The following ZNF770 variants were observed in gnomAD, a reference collection of about 807,000 sequenced individuals.
ZNF770 encodes zinc finger protein 770.
In ZNF770, 13 loss-of-function variants were observed where a neutral mutation model predicts 44.8. The observed-to-expected ratio is 0.29, with a 90% CI of 0.19 to 0.46. The LOEUF (loss-of-function observed/expected upper bound fraction) is 0.46, where lower values mean the gene tolerates loss of function less well. Ranked by LOEUF, ZNF770 falls within the 20% of genes least tolerant of loss-of-function variation. ZNF770 has a pLI of 1.00. For synonymous variants in ZNF770, 304 were observed against 271.8 expected (o/e 1.12, Z -1.17); for missense variants, 681 against 797.9 (o/e 0.85, Z 1.77).
Position 34,981,085 on chromosome 15 carries a change from T to C in ZNF770, c.*274A>G. 2.7e-6 allele frequency: 1 copy of C among 365,488 alleles called. No homozygotes were observed. Among genetic ancestry groups the C allele is most frequent in the South Asian group, 4.7e-5 (1 of 21,062 alleles). The allele number at this position is 365,488 out of a possible 1,614,324, so 22.6% of individuals were successfully genotyped here. A position where few individuals can be genotyped will look rare whatever the true frequency, so the allele number is the denominator to read the frequency against. ...AATTATTTGTACAGCCATCATGGATTTATATTTTTCAATACAGCCAAAGTA... is the reference window on the plus strand; with the variant it reads ...AATTATTTGTACAGCCATCATGGATCTATATTTTTCAATACAGCCAAAGTA... On this transcript the variant is annotated 3_prime_UTR_variant, in exon 3 of 3. Transcript: ENST00000356321.
chr15:34,985,666 A>C (rs2050429709), intron 2 of ZNF770, among the ~76,000 whole-genome samples: 1 of 152,156 alleles, frequency 6.6e-6, no homozygotes, highest in Non-Finnish European at 1.5e-5. Flanking sequence ...AGGCCGAGGC[A>C]GGGGATCACC....
Position 34,982,112 on chromosome 15 carries a change from T to G in ZNF770, c.1323A>C (p.Ser441=). ...IDNSVNKKDL[S]ICGSSGEEFF... is the part of the protein sequence containing the mutation. Reference sequence around the variant, plus strand: ...ATTCCTCACCTGATGAACCACAGATTGACAAGTCTTTCTTATTCACTGAAT... The same window carrying G: ...ATTCCTCACCTGATGAACCACAGATGGACAAGTCTTTCTTATTCACTGAAT... Residue 441 remains serine (S), a synonymous_variant, in exon 3 of 3, where the codon TCA becomes TCC. Coordinates refer to ENST00000356321, the MANE Select transcript of ZNF770 (RefSeq NM_014106.4). 1 of 1,614,038 alleles carries G rather than the reference T, an allele frequency of 6.2e-7. No homozygotes were observed. The highest frequency in any genetic ancestry group is 1.1e-5 in the South Asian group (1 of 91,086).
intron 1 of ZNF770, among the ~76,000 whole-genome samples, 170 bp from the exon 2 acceptor site, chr15:34,987,843 CAAT>C (rs970330665): frequency 6.6e-6 from 1 of 152,134 alleles, no homozygotes. Context: ...GGCCCACAAC[CAAT>C]AATAAGCACG....
Position 34,979,755 on chromosome 15 carries a change from A to C in ZNF770, c.*1604T>G, listed in dbSNP as rs2050388755. 2.3e-6 allele frequency: 1 copy of C among 425,826 alleles called. No individual in the cohort carries two copies. The allele number at this position is 425,826 out of a possible 1,614,324, so 26.4% of individuals were successfully genotyped here. A position where few individuals can be genotyped will look rare whatever the true frequency, so the allele number is the denominator to read the frequency against. On this transcript the variant is annotated 3_prime_UTR_variant, in exon 3 of 3. Coordinates refer to ENST00000356321, the MANE Select transcript of ZNF770 (RefSeq NM_014106.4). The stretch of plus-strand genomic sequence containing the variant: ...CATTCTCAATAGAGGATTTTCCACT[A>C]TATTTAAGTATGGCAGGATAATTAC...
At chr15:34,983,849 TAA>T (rs762628392) in intron 2 of ZNF770, among the ~76,000 whole-genome samples, 1 of 152,222 alleles carries the variant, frequency 6.6e-6, no homozygotes, top group Non-Finnish European at 1.5e-5. Flanking sequence ...GCCATCATTT[TAA>T]AAAATGGGCT....
In ZNF770 at chr15:34,979,116, T is replaced by C. The variant is rs1306574892; in HGVS notation, c.*2243A>G. On this transcript the variant is annotated 3_prime_UTR_variant, in exon 3 of 3. Coordinates refer to ENST00000356321, the MANE Select transcript of ZNF770 (RefSeq NM_014106.4). Reference sequence around the variant, plus strand: ...TTTTACAATATTCCACCTTTCAATATGAAACAGCTTAAAAAGGCATGGGTC... The same window carrying C: ...TTTTACAATATTCCACCTTTCAATACGAAACAGCTTAAAAAGGCATGGGTC... The C allele has an allele frequency of 2.6e-5, 4 of 152,608 alleles. No homozygotes were observed. Among genetic ancestry groups the C allele is most frequent in the Non-Finnish European group, 4.4e-5 (3 of 68,056 alleles). The allele number at this position is 152,608 out of a possible 1,614,324, so 9.5% of individuals were successfully genotyped here. A position where few individuals can be genotyped will look rare whatever the true frequency, so the allele number is the denominator to read the frequency against.
In ZNF770 at chr15:34,981,917, A is replaced by G. The variant is rs763659550; in HGVS notation, c.1518T>C (p.Asn506=). The G allele has an allele frequency of 9.9e-6, 16 of 1,613,984 alleles. No homozygotes were observed. Among genetic ancestry groups the G allele is most frequent in the South Asian group, 3.3e-5 (3 of 91,084 alleles). The change falls in exon 3 of 3, where the codon AAT becomes AAC. Residue 506 remains asparagine, a synonymous_variant. Transcript: ENST00000356321. ...ACTGTCTAAAAGATTTCCCACAAAT[A>G]TTACAGCCAAAGGGCCTCTGTCCAG... The part of the protein sequence containing the change: ...IHTGQRPFGC[N]ICGKSFRQSA...
chr15:34,982,712 A>G lies in ZNF770; in HGVS notation c.723T>C (p.Asn241=). Residue 241 remains asparagine, a synonymous_variant, in exon 3 of 3, where the codon AAT becomes AAC. Transcript: ENST00000356321. ...LLKHKQIHTR[N]KAFRALLLKK... ...TTAATAAAAGAGCCCGAAAAGCCTT[A>G]TTCCTAGTATGGATTTGTTTATGCT... is the stretch of plus-strand genomic sequence containing the variant. 6.2e-7 allele frequency: 1 copy of G among 1,613,310 alleles called. No individual in the cohort carries two copies. The highest frequency in any genetic ancestry group is 8.5e-7 in the Non-Finnish European group (1 of 1,179,914).
intron 2 of ZNF770, among the ~76,000 whole-genome samples, chr15:34,986,645 A>G (rs1376456529): frequency 1.3e-5 from 2 of 152,212 alleles, no homozygotes; most frequent in East Asian, 1.9e-4. Flanking sequence ...ATACAAGGAC[A>G]CTGGGTGAGG....
At position 34,980,316 on chromosome 15, in the gene ZNF770, A is replaced by C. The variant is rs1206245370; in HGVS notation, c.*1043T>G. 1 of 152,246 alleles carries C rather than the reference A, an allele frequency of 6.6e-6. No individual in the cohort carries two copies. Among genetic ancestry groups the C allele is most frequent in the Non-Finnish European group, 1.5e-5 (1 of 68,046 alleles). The allele number at this position is 152,246 out of a possible 1,614,324, so 9.4% of individuals were successfully genotyped here. Reference sequence around the variant, plus strand: ...AAAACTCATACGTATTATGAAAAAGACTATGGCACTTAGAAAATATTCCTG... The same window carrying C: ...AAAACTCATACGTATTATGAAAAAGCCTATGGCACTTAGAAAATATTCCTG... On this transcript the variant is annotated 3_prime_UTR_variant, in exon 3 of 3. Coordinates refer to ENST00000356321, the MANE Select transcript of ZNF770 (RefSeq NM_014106.4).
intron 2 of ZNF770, among the ~76,000 whole-genome samples, chr15:34,985,764 C>T (rs2050430387): frequency 6.6e-6 from 1 of 151,946 alleles, no homozygotes; most frequent in Admixed American, 6.6e-5. Context: ...TGTGGTGGTA[C>T]ATGCCTGTAA....
chr15:34,979,535 C>T lies in ZNF770; in HGVS notation c.*1824G>A, dbSNP rs1004512149. On this transcript the variant is annotated 3_prime_UTR_variant, in exon 3 of 3. Transcript: ENST00000356321. ...TGTCTGTATCTACATAATAAACAGG[C>T]ACACTTCTACATCACTGGGTATTTT... is the stretch of plus-strand genomic sequence containing the variant. 5.4e-5 allele frequency: 20 copies of T among 373,610 alleles called. No individual in the cohort carries two copies. Among genetic ancestry groups the T allele is most frequent in the African/African-American group, 4.1e-4 (19 of 46,622 alleles). The allele number at this position is 373,610 out of a possible 1,614,324, so 23.1% of individuals were successfully genotyped here.
chr15:34,986,939 C>T (rs2050438629), intron 2 of ZNF770, among the ~76,000 whole-genome samples: 1 of 152,252 alleles, frequency 6.6e-6, no homozygotes, highest in South Asian at 2.1e-4. Context: ...CTGCAATGCA[C>T]CGGCCCATAT....
In ZNF770 at chr15:34,982,054, A is replaced by T; in HGVS notation, c.1381T>A (p.Phe461Ile). The T allele has an allele frequency of 6.2e-7, 1 of 1,613,686 alleles. No individual in the cohort carries two copies. The highest frequency in any genetic ancestry group is 1.1e-5 in the South Asian group (1 of 91,062). Residue 461 changes from phenylalanine (F) to isoleucine (I), a missense_variant, in exon 3 of 3, where the codon TTT (phenylalanine) becomes ATT (isoleucine). By Grantham distance (21) the Phe-to-Ile change is conservative. Around this residue, in one of 5 missense-constraint regions of ZNF770, gnomAD observed 432 missense variants for 434.1 expected, o/e 1.00. Transcript: ENST00000356321. ...CGTATGTTTTCCCTTGGAACTGAAAAACCACACTGAAGTACCTCACAGTTA... is the reference window on the plus strand; with the variant it reads ...CGTATGTTTTCCCTTGGAACTGAAATACCACACTGAAGTACCTCACAGTTA... ...FNNCEVLQCG[F>I]SVPRENIRTR...
rs759332976 is a variant in ZNF770, at chr15:34,982,305, C to A, written c.1130G>T (p.Ser377Ile). 21 of 1,612,370 alleles carry A rather than the reference C, an allele frequency of 1.3e-5. No homozygotes were observed. The highest frequency in any genetic ancestry group is 1.8e-5 in the Non-Finnish European group (21 of 1,179,628). The change falls in exon 3 of 3, where the codon AGC becomes ATC. Residue 377 changes from serine to isoleucine, a missense_variant. Ser to Ile is a moderately radical substitution (Grantham distance 142). This residue lies in a region of ZNF770 where 432 missense variants were observed against 434.1 expected (regional missense o/e 1.00). Coordinates refer to ENST00000356321, the MANE Select transcript of ZNF770 (RefSeq NM_014106.4). Reference protein sequence around the residue: ...RNCDLISGEQSSEQTQRTFVG... With the variant: ...RNCDLISGEQISEQTQRTFVG... The stretch of plus-strand genomic sequence containing the variant: ...AAATGTTCTCTGGGTTTGTTCAGAG[C>A]TCTGCTCACCAGAAATAAGATCACA...
Position 34,980,291 on chromosome 15 carries a change from A to G in ZNF770, c.*1068T>C, listed in dbSNP as rs1357809687. On this transcript the variant is annotated 3_prime_UTR_variant, in exon 3 of 3. Coordinates refer to ENST00000356321, the MANE Select transcript of ZNF770 (RefSeq NM_014106.4). ...CTTGAAATTATTCCTCTGAAAAGGT[A>G]AAACTCATACGTATTATGAAAAAGA... The G allele has an allele frequency of 6.6e-6, 1 of 152,230 alleles. No individual in the cohort carries two copies. The highest frequency in any genetic ancestry group is 2.4e-5 in the African/African-American group (1 of 41,438). The allele number at this position is 152,230 out of a possible 1,614,324, so 9.4% of individuals were successfully genotyped here.
At chr15:34,986,958 G>C (rs1048404029) in intron 2 of ZNF770, among the ~76,000 whole-genome samples, 1 of 152,258 alleles carries the variant, frequency 6.6e-6, no homozygotes, top group Non-Finnish European at 1.5e-5. Flanking sequence ...ATCGAGTATG[G>C]TGTGGGAGGA....
In ZNF770 at chr15:34,981,318, T is replaced by C; in HGVS notation, c.*41A>G. The C allele has an allele frequency of 3.9e-6, 6 of 1,532,528 alleles. No individual in the cohort carries two copies. The highest frequency in any genetic ancestry group is 5.2e-6 in the Non-Finnish European group (6 of 1,149,318). 94.9% of individuals were successfully genotyped at this position (1,532,528 alleles called of 1,614,324 possible). A position where few individuals can be genotyped will look rare whatever the true frequency, so the allele number is the denominator to read the frequency against. Reference sequence around the variant, plus strand: ...TTTTAAATAATACAGGCTTTAAAAATAAGATCACCAGAGACCACAATTGTT... The same window carrying C: ...TTTTAAATAATACAGGCTTTAAAAACAAGATCACCAGAGACCACAATTGTT... On this transcript the variant is annotated 3_prime_UTR_variant, in exon 3 of 3. Coordinates refer to ENST00000356321, the MANE Select transcript of ZNF770 (RefSeq NM_014106.4).
intron 2 of ZNF770, among the ~76,000 whole-genome samples, chr15:34,985,967 A>G (rs1054650560): frequency 6.6e-6 from 1 of 152,156 alleles, no homozygotes; most frequent in Admixed American, 6.5e-5. Flanking sequence ...ACTGCATACT[A>G]TATAGCAAGG....
Sources: allele counts gnomAD v4.1 joint callset (sites outside exome capture counted in the v4.1 genomes callset), GRCh38; gene constraint gnomAD v4.1.1; regional missense constraint gnomAD v4.1.1; transcripts MANE v1.5; gene names NCBI Gene and HGNC (gene_info 2026-07-23, HGNC 2026-07-21).